Variants in IER2 observed in about 807,000 individuals in gnomAD.
The protein encoded by IER2 is immediate early response 2, also known as immediate early response gene 2 protein.
For synonymous variants in IER2, 198 were observed against 149.6 expected (o/e 1.32, Z -2.36); for missense variants, 372 against 325.4 (o/e 1.14, Z -1.10).
rs1420087171 is a variant in IER2, at chr19:13,154,730, T to C, written c.*872T>C. 2 of 167,072 alleles carry C rather than the reference T, an allele frequency of 1.2e-5. No homozygotes were observed. Among genetic ancestry groups the C allele is most frequent in the Non-Finnish European group, 2.9e-5 (2 of 68,122 alleles). 10.3% of individuals were successfully genotyped at this position (167,072 alleles called of 1,614,324 possible). On this transcript the variant is annotated 3_prime_UTR_variant, in exon 2 of 2. Coordinates refer to ENST00000292433, the MANE Select transcript of IER2 (RefSeq NM_004907.3). ...GGGTGTCAGTGGAAAGGCATAAGGC[T>C]GAGCTGAGACCAGTTGCTGGTGAAA...
chr19:13,153,862 C>T lies in IER2; in HGVS notation c.*4C>T, dbSNP rs949380260. On this transcript the variant is annotated 3_prime_UTR_variant, in exon 2 of 2. Transcript: ENST00000292433. ...GCGGGCCGTGGTGGCCTTCTGAGGA[C>T]CCCGAGCGGCGCTGCCGGAGCCCAG... The T allele has an allele frequency of 2.8e-6, 4 of 1,414,530 alleles. No individual in the cohort carries two copies. The South Asian group carries it at 4.7e-5, about 16-fold the overall frequency. 87.6% of individuals were successfully genotyped at this position (1,414,530 alleles called of 1,614,324 possible).
rs915317026 is a variant in IER2, at chr19:13,154,201, TTTTGTTTG to T, written c.*355_*362del. ...GGAGGCTTGGGTGTTGTGTTTTTTG[TTTTGTTTG>T]TTTGTTTGTTTTTAAAGATCTCCTC... On this transcript the variant is annotated 3_prime_UTR_variant, in exon 2 of 2. Transcript: ENST00000292433. 6.2e-6 allele frequency: 2 copies of T among 321,060 alleles called. No individual in the cohort carries two copies. The highest frequency in any genetic ancestry group is 9.9e-5 in the South Asian group (1 of 10,074). The allele number at this position is 321,060 out of a possible 1,614,324, so 19.9% of individuals were successfully genotyped here. A position where few individuals can be genotyped will look rare whatever the true frequency, so the allele number is the denominator to read the frequency against.
chr19:13,153,404 C>G lies in IER2; in HGVS notation c.218C>G (p.Pro73Arg). ...CTCCCCTCTGACCCTCGCCTGCACCCGCCCCGAGAAGCCGAGTCCACGGCC... is the reference window on the plus strand; with the variant it reads ...CTCCCCTCTGACCCTCGCCTGCACCGGCCCCGAGAAGCCGAGTCCACGGCC... Reference protein sequence around the residue: ...AALPSDPRLHPPREAESTAET... With the variant: ...AALPSDPRLHRPREAESTAET... Residue 73 changes from proline to arginine, a missense_variant, in exon 2 of 2, where the codon CCG (proline) becomes CGG (arginine). Physicochemically the swap from Pro to Arg is moderately radical, Grantham distance 103. Transcript: ENST00000292433. 1 of 1,592,068 alleles carries G rather than the reference C, an allele frequency of 6.3e-7. No individual in the cohort carries two copies. The highest frequency in any genetic ancestry group is 8.5e-7 in the Non-Finnish European group (1 of 1,172,192).
In IER2 at chr19:13,153,957, AGC is replaced by A; in HGVS notation, c.*102_*103del. On this transcript the variant is annotated 3_prime_UTR_variant, in exon 2 of 2. Coordinates refer to ENST00000292433, the MANE Select transcript of IER2 (RefSeq NM_004907.3). Reference sequence around the variant, plus strand: ...GGCCACCCCCCTCCATCCTGGGGGAAGCGCCCGCGAAAACCGTGGAGAGAAGC... The same window carrying A: ...GGCCACCCCCCTCCATCCTGGGGGAAGCCCGCGAAAACCGTGGAGAGAAGC... 1 of 1,099,122 alleles carries A rather than the reference AGC, an allele frequency of 9.1e-7. No individual in the cohort carries two copies. The highest frequency in any genetic ancestry group is 1.2e-6 in the Non-Finnish European group (1 of 814,056). The allele number at this position is 1,099,122 out of a possible 1,614,324, so 68.1% of individuals were successfully genotyped here.
Position 13,153,546 on chromosome 19 carries a change from C to T in IER2, c.360C>T (p.Arg120=). 1 of 1,591,030 alleles carries T rather than the reference C, an allele frequency of 6.3e-7. No individual in the cohort carries two copies. Among genetic ancestry groups the T allele is most frequent in the Non-Finnish European group, 8.6e-7 (1 of 1,169,238 alleles). The change falls in exon 2 of 2, where the codon CGC becomes CGT. Residue 120 remains arginine (R), a synonymous_variant. Coordinates refer to ENST00000292433, the MANE Select transcript of IER2 (RefSeq NM_004907.3). Reference sequence around the variant, plus strand: ...CCCCGCGCCCCGCCAAAGTCAGCCGCAAACGACGCAGCAGCAGCCTGAGCG... The same window carrying T: ...CCCCGCGCCCCGCCAAAGTCAGCCGTAAACGACGCAGCAGCAGCCTGAGCG... The part of the protein sequence containing the change: ...CCAPRPAKVS[R]KRRSSSLSDG...
rs1568396425 is a variant in IER2 at position 13,153,094 on chromosome 19, TAG to T, written c.-88_-87del. 7 of 971,022 alleles carry T rather than the reference TAG, an allele frequency of 7.2e-6. No homozygotes were observed. The highest frequency in any genetic ancestry group is 5.1e-5 in the African/African-American group (3 of 58,688). 60.2% of individuals were successfully genotyped at this position (971,022 alleles called of 1,614,324 possible). Reference sequence around the variant, plus strand: ...GTGTCACTGCGTGGGTTGGTTTGTGTAGAGAGGCGTGAGCGAGCCCGTTGTCC... The same window carrying T: ...GTGTCACTGCGTGGGTTGGTTTGTGTAGAGGCGTGAGCGAGCCCGTTGTCC... On this transcript the variant is annotated 5_prime_UTR_variant, in exon 2 of 2. Transcript: ENST00000292433.
In IER2 at chr19:13,150,501, T is replaced by G. The variant is rs1385662593; in HGVS notation, c.-295T>G. 6.9e-6 allele frequency: 2 copies of G among 287,864 alleles called. No homozygotes were observed. The highest frequency in any genetic ancestry group is 1.3e-5 in the Non-Finnish European group (2 of 152,600). The allele number at this position is 287,864 out of a possible 1,614,324, so 17.8% of individuals were successfully genotyped here. The stretch of plus-strand genomic sequence containing the variant: ...TTCGGAATTTCGGTTCAAGGCCCAG[T>G]TCCTCGGATTGTTCCTGCGCAACTT... On this transcript the variant is annotated 5_prime_UTR_variant, in exon 1 of 2. Transcript: ENST00000292433. This position sits in a 1 kb window ranked among gnomAD's most constrained non-coding sequence, Gnocchi z 4.0.
At chr19:13,151,231 G>C (rs2020052683) in intron 1 of IER2, among the ~76,000 whole-genome samples, 1 of 151,986 alleles carries the variant, frequency 6.6e-6, no homozygotes, top group Non-Finnish European at 1.5e-5. Flanking sequence ...GGGTCTCAGA[G>C]ATAGCGCCTG....
At chr19:13,151,470 C>T (rs2020057483) in intron 1 of IER2, among the ~76,000 whole-genome samples, 1 of 121,086 alleles carries the variant, frequency 8.3e-6, no homozygotes, top group African/African-American at 3.3e-5. Context: ...CAGGAATAAC[C>T]TGGGAGGGGG....
chr19:13,153,643 T>G lies in IER2; in HGVS notation c.457T>G (p.Ser153Ala), dbSNP rs752770692. Residue 153 changes from serine (S) to alanine (A), a missense_variant, in exon 2 of 2, where the codon TCA becomes GCA. Coordinates refer to ENST00000292433, the MANE Select transcript of IER2 (RefSeq NM_004907.3). ...LEEKEEEEGA[S>A]SEVADRLQPP... ...AGAAAAGGAAGAAGAGGAGGGAGCGTCATCCGAAGTCGCCGATCGCCTGCA... is the reference window on the plus strand; with the variant it reads ...AGAAAAGGAAGAAGAGGAGGGAGCGGCATCCGAAGTCGCCGATCGCCTGCA... 1 of 1,613,052 alleles carries G rather than the reference T, an allele frequency of 6.2e-7. No homozygotes were observed. Among genetic ancestry groups the G allele is most frequent in the Admixed American group, 1.7e-5 (1 of 59,994 alleles).
Position 13,153,831 on chromosome 19 carries a change from G to T in IER2, c.645G>T (p.Val215=). ...GCCCGGCGGACAGCATGCTCAACGT[G>T]CTCGTGCGGGCCGTGGTGGCCTTCT... ...ACRPADSMLN[V]LVRAVVAF Residue 215 remains valine, a synonymous_variant, in exon 2 of 2, where the codon GTG becomes GTT. Transcript: ENST00000292433. 6.8e-7 allele frequency: 1 copy of T among 1,460,750 alleles called. No homozygotes were observed. The highest frequency in any genetic ancestry group is 9.0e-7 in the Non-Finnish European group (1 of 1,114,506). The allele number at this position is 1,460,750 out of a possible 1,614,324, so 90.5% of individuals were successfully genotyped here.
intron 1 of IER2, among the ~76,000 whole-genome samples, chr19:13,151,220 G>A (rs944400657): frequency 6.6e-6 from 1 of 151,952 alleles, no homozygotes; most frequent in Non-Finnish European, 1.5e-5. Context: ...GTTGCTGCGT[G>A]GGGTCTCAGA....
rs1380759278 is a variant in IER2 at position 13,154,662 on chromosome 19, C to G, written c.*804C>G. ...CCTCAGACACACGGACACAATCAGCCGAGAAGTTCCTGGTCTGAATCACGA... is the reference window on the plus strand; with the variant it reads ...CCTCAGACACACGGACACAATCAGCGGAGAAGTTCCTGGTCTGAATCACGA... On this transcript the variant is annotated 3_prime_UTR_variant, in exon 2 of 2. Transcript: ENST00000292433. 1 of 167,144 alleles carries G rather than the reference C, an allele frequency of 6.0e-6. No individual in the cohort carries two copies. Among genetic ancestry groups the G allele is most frequent in the Non-Finnish European group, 1.5e-5 (1 of 68,266 alleles). The allele number at this position is 167,144 out of a possible 1,614,324, so 10.4% of individuals were successfully genotyped here. A position where few individuals can be genotyped will look rare whatever the true frequency, so the allele number is the denominator to read the frequency against.
Position 13,153,459 on chromosome 19 carries a change from G to A in IER2, c.273G>A (p.Pro91=), listed in dbSNP as rs1370100873. 1 of 1,595,696 alleles carries A rather than the reference G, an allele frequency of 6.3e-7. No homozygotes were observed. The highest frequency in any genetic ancestry group is 8.5e-7 in the Non-Finnish European group (1 of 1,172,682). Residue 91 remains proline (P), a synonymous_variant, in exon 2 of 2, where the codon CCG becomes CCA. Coordinates refer to ENST00000292433, the MANE Select transcript of IER2 (RefSeq NM_004907.3). ...AETATPDGEH[P]FPEPMDTQEA... Reference sequence around the variant, plus strand: ...CAGCGACCCCCGACGGTGAGCACCCGTTTCCGGAGCCAATGGACACGCAGG... The same window carrying A: ...CAGCGACCCCCGACGGTGAGCACCCATTTCCGGAGCCAATGGACACGCAGG...
At position 13,153,512 on chromosome 19, in the gene IER2, C is replaced by T; in HGVS notation, c.326C>T (p.Ala109Val). 1 of 1,582,872 alleles carries T rather than the reference C, an allele frequency of 6.3e-7. No homozygotes were observed. The highest frequency in any genetic ancestry group is 8.6e-7 in the Non-Finnish European group (1 of 1,165,376). The change falls in exon 2 of 2, where the codon GCC (alanine) becomes GTC (valine). Residue 109 changes from alanine (A) to valine (V), a missense_variant. By Grantham distance (64) the Ala-to-Val change is moderately conservative. Transcript: ENST00000292433. ...QEAPTAEETS[A>V]CCAPRPAKVS... is the part of the protein sequence containing the mutation. ...GCGCCGACAGCCGAGGAGACCTCCG[C>T]CTGCTGTGCCCCGCGCCCCGCCAAA...
At position 13,153,585 on chromosome 19, in the gene IER2, T is replaced by C; in HGVS notation, c.399T>C (p.Ala133=). The change falls in exon 2 of 2, where the codon GCT becomes GCC. Residue 133 remains alanine, a synonymous_variant. Coordinates refer to ENST00000292433, the MANE Select transcript of IER2 (RefSeq NM_004907.3). The part of the protein sequence containing the change: ...RSSSLSDGGD[A]GLVPSKKARL... ...GCAGCCTGAGCGACGGCGGGGACGC[T>C]GGACTGGTCCCGAGCAAGAAAGCCC... is the stretch of plus-strand genomic sequence containing the variant. 6.2e-7 allele frequency: 1 copy of C among 1,604,898 alleles called. No homozygotes were observed. The highest frequency in any genetic ancestry group is 2.3e-5 in the East Asian group (1 of 44,264).
rs755576970 is a variant in IER2 at position 13,153,204 on chromosome 19, G to A, written c.18G>A (p.Glu6=). ...GAGTCGCCATGGAAGTGCAGAAAGAGGCACAGCGCATCATGACCCTGTCGG... is the reference window on the plus strand; with the variant it reads ...GAGTCGCCATGGAAGTGCAGAAAGAAGCACAGCGCATCATGACCCTGTCGG... MEVQK[E]AQRIMTLSVW... Residue 6 remains glutamate, a synonymous_variant, in exon 2 of 2, where the codon GAG becomes GAA. Transcript: ENST00000292433. 2 of 1,516,084 alleles carry A rather than the reference G, an allele frequency of 1.3e-6. No individual in the cohort carries two copies. The highest frequency in any genetic ancestry group is 4.7e-5 in the East Asian group (2 of 42,702). 93.9% of individuals were successfully genotyped at this position (1,516,084 alleles called of 1,614,324 possible). A position where few individuals can be genotyped will look rare whatever the true frequency, so the allele number is the denominator to read the frequency against.
Position 13,153,334 on chromosome 19 carries a change from G to C in IER2, c.148G>C (p.Ala50Pro), listed in dbSNP as rs746857206. Residue 50 changes from alanine (A) to proline (P), a missense_variant, in exon 2 of 2, where the codon GCC (alanine) becomes CCC (proline). Transcript: ENST00000292433. ...CAGCGCCCGGGAGCTCTACCTCTCG[G>C]CCAAGGTGGAGGCCCTCGAGCCCGA... Reference protein sequence around the residue: ...MRSARELYLSAKVEALEPEVS... With the variant: ...MRSARELYLSPKVEALEPEVS... 1.9e-6 allele frequency: 3 copies of C among 1,602,634 alleles called. No homozygotes were observed. In the East Asian group the frequency reaches 6.8e-5, roughly 36 times the overall value.
At chr19:13,151,992 C>G (rs887728753) in intron 1 of IER2, 1 of 152,284 alleles carries the variant, frequency 6.6e-6, no homozygotes, top group Non-Finnish European at 1.5e-5. Context: ...GGGGGCGCAC[C>G]ACCCCTTAAA....
Sources: allele counts gnomAD v4.1 joint callset (sites outside exome capture counted in the v4.1 genomes callset), GRCh38; gene constraint gnomAD v4.1.1; non-coding constraint Gnocchi (gnomAD v3.1); transcripts MANE v1.5; gene names NCBI Gene and HGNC (gene_info 2026-07-23, HGNC 2026-07-21).